MDN1: variants seen among roughly 807,000 people sequenced by gnomAD.
The protein encoded by MDN1 is midasin AAA ATPase 1.
MDN1 carries 266 observed loss-of-function variants against 669.2 expected under a neutral mutation model. That is an observed-to-expected ratio of 0.40 (90% confidence interval 0.36 to 0.44). MDN1 has a LOEUF of 0.44. MDN1 is among the 20% of genes least tolerant of loss of function. The pLI is 1.00. For synonymous variants in MDN1, 2,385 were observed against 2,457.1 expected (o/e 0.97, Z 0.87); for missense variants, 5,940 against 6,754.0 (o/e 0.88, Z 4.22).
At chr6:89,698,531 G>A (rs948571942) in intron 59 of MDN1, among the ~76,000 whole-genome samples, 2 of 152,056 alleles carry the variant, frequency 1.3e-5, no homozygotes, top group South Asian at 2.1e-4. Flanking sequence ...GTAAACAGAA[G>A]GATATAGAAC....
Position 89,655,887 on chromosome 6 carries a change from T to G in MDN1, c.15367A>C (p.Thr5123Pro). 1 of 1,614,120 alleles carries G rather than the reference T, an allele frequency of 6.2e-7. No homozygotes were observed. The highest frequency in any genetic ancestry group is 8.5e-7 in the Non-Finnish European group (1 of 1,180,030). The part of the protein sequence containing the change: ...HNERVHKRLR[T>P]VDTDSHAEQG... ...TCGGCATGGCTGTCCGTATCCACAG[T>G]CCTCAGCCTCTTGTGCACACGCTCA... is the stretch of plus-strand genomic sequence containing the variant. Residue 5123 changes from threonine to proline, a missense_variant, in exon 92 of 102, where the codon ACT becomes CCT. Transcript: ENST00000369393.
At chr6:89,745,688 G>T in intron 27 of MDN1, 62 bp from the exon 28 acceptor site, 5 of 1,501,734 alleles carry the variant, frequency 3.3e-6, no homozygotes, top group Non-Finnish European at 4.5e-6. Context: ...GAACACCAAG[G>T]GATATGGAGA....
chr6:89,762,521 C>T lies in MDN1; in HGVS notation c.2154G>A (p.Pro718=), dbSNP rs527741590. 1.4e-5 allele frequency: 23 copies of T among 1,609,612 alleles called. No homozygotes were observed. The highest frequency in any genetic ancestry group is 4.5e-5 in the East Asian group (2 of 44,836). Residue 718 remains proline, a synonymous_variant, in exon 16 of 102, where the codon CCG becomes CCA. Coordinates refer to ENST00000369393, the MANE Select transcript of MDN1 (RefSeq NM_014611.3). The stretch of plus-strand genomic sequence containing the variant: ...GTAGCCAAATAAGCTTATGGTCCAC[C>T]GGTTTATAACTGAAACAGACACAGG... ...DTADLLGGYK[P]VDHKLIWLPL...
intron 1 of MDN1, among the ~76,000 whole-genome samples, chr6:89,812,644 T>G (rs1768512202): frequency 6.6e-6 from 1 of 152,004 alleles, no homozygotes; most frequent in Non-Finnish European, 1.5e-5. Context: ...CAAAGCAGAG[T>G]TAATTAAAAG....
chr6:89,803,512 C>A lies in MDN1; in HGVS notation c.145G>T (p.Ala49Ser). ...CAGTCCTTATCCAAAAGCAACTGTG[C>A]TAAGGTACTCAGGACACACTGGCGA... ...QDRQCVLSTL[A>S]QLLLDKDCTV... Residue 49 changes from alanine to serine, a missense_variant, in exon 2 of 102, where the codon GCA becomes TCA. Around this residue, in one of 5 missense-constraint regions of MDN1, gnomAD observed 1,203 missense variants for 1,268.9 expected, o/e 0.95. Transcript: ENST00000369393. 2 of 1,613,958 alleles carry A rather than the reference C, an allele frequency of 1.2e-6. No homozygotes were observed. The highest frequency in any genetic ancestry group is 1.7e-6 in the Non-Finnish European group (2 of 1,179,994).
At chr6:89,808,947 T>C (rs1768189515) in intron 1 of MDN1, among the ~76,000 whole-genome samples, 1 of 152,164 alleles carries the variant, frequency 6.6e-6, no homozygotes, top group Non-Finnish European at 1.5e-5. Context: ...CTGGGCACGG[T>C]GGCTCATGCC....
rs994750398 is a variant in MDN1, at chr6:89,722,512, C to T, written c.5967+443G>A. On this transcript the variant is annotated intron_variant, in intron 40 of 101. Coordinates refer to ENST00000369393, the MANE Select transcript of MDN1 (RefSeq NM_014611.3). ...ATTGTGAGACCCCAAGGTAGGAGAA[C>T]GTTTAGTCTGTTCTTTTAACTTTTA... Among the ~76,000 whole-genome samples, 5 of 152,168 alleles carry T rather than the reference C, an allele frequency of 3.3e-5. No homozygotes were observed. The South Asian group carries it at 8.3e-4, about 25-fold the overall frequency.
At chr6:89,709,816 A>T (rs1031602000) in intron 50 of MDN1, among the ~76,000 whole-genome samples, 9 of 152,068 alleles carry the variant, frequency 5.9e-5, no homozygotes, top group East Asian at 1.9e-4. Flanking sequence ...CTCCTTATTT[A>T]AAAAAAATTA....
At chr6:89,706,481 T>C (rs1454955869) in intron 52 of MDN1, among the ~76,000 whole-genome samples, 2 of 152,190 alleles carry the variant, frequency 1.3e-5, no homozygotes, top group Non-Finnish European at 2.9e-5. Flanking sequence ...CCAAATTTTC[T>C]ATTTTACAAT....
In MDN1 at chr6:89,674,385, A is replaced by G. The variant is rs1337609999; in HGVS notation, c.12966T>C (p.Asn4322=). ...PSVGPAPGHG[N]VQVLGQPPGP... ...CAGGAGGCTGCCCCAGTACCTGGAC[A>G]TTGCCATGGCCTGGAGCTGGCCCTA... The change falls in exon 79 of 102, where the codon AAT becomes AAC. Residue 4322 remains asparagine (N), a synonymous_variant. Transcript: ENST00000369393. 1 of 1,614,224 alleles carries G rather than the reference A, an allele frequency of 6.2e-7. No homozygotes were observed. The highest frequency in any genetic ancestry group is 1.7e-5 in the Admixed American group (1 of 60,030).
intron 15 of MDN1, 139 bp from the exon 16 acceptor site, chr6:89,762,669 C>T (rs533493706): frequency 9.1e-5 from 59 of 651,528 alleles, no homozygotes; most frequent in Middle Eastern, 6.0e-4. Flanking sequence ...TTAAAATCTA[C>T]GTTACAGTTT....
chr6:89,712,842 A>C (rs1007427773), intron 47 of MDN1, 56 bp from the exon 48 acceptor site: 6 of 1,499,050 alleles, frequency 4.0e-6, no homozygotes, highest in African/African-American at 2.8e-5. Flanking sequence ...GATATTCCCC[A>C]AAAACCAGCA....
chr6:89,794,621 A>G lies in MDN1; in HGVS notation c.510T>C (p.Ser170=), dbSNP rs1413572791. The change falls in exon 3 of 102, where the codon AGT becomes AGC. Residue 170 remains serine (S), a synonymous_variant. Transcript: ENST00000369393. The part of the protein sequence containing the change: ...QSVFRELWDW[S]VCVPLLRSHD... ...GGCTTCTGAGGAGAGGGACACACAC[A>G]CTCCAGTCCCAGAGCTCCCGGAACA... 1 of 1,613,524 alleles carries G rather than the reference A, an allele frequency of 6.2e-7. No individual in the cohort carries two copies. Among genetic ancestry groups the G allele is most frequent in the Non-Finnish European group, 8.5e-7 (1 of 1,180,010 alleles).
rs1816884194 is a variant in MDN1, at chr6:89,750,523, T to C, written c.3237A>G (p.Pro1079=). 1.2e-6 allele frequency: 2 copies of C among 1,610,388 alleles called. No homozygotes were observed. Among genetic ancestry groups the C allele is most frequent in the Non-Finnish European group, 1.7e-6 (2 of 1,177,150 alleles). The part of the protein sequence containing the change: ...IVRVVSAGTY[P]VLIQGETSVG... The stretch of plus-strand genomic sequence containing the variant: ...CTGATGTCTCTCCCTGAATCAGCAC[T>C]GGATAGGTTCTGTAAAAGATTAGCC... The change falls in exon 24 of 102, where the codon CCA becomes CCG. Residue 1079 remains proline (P), a synonymous_variant. Transcript: ENST00000369393.
chr6:89,651,329 A>G (rs1405148944), intron 95 of MDN1, among the ~76,000 whole-genome samples: 1 of 142,250 alleles, frequency 7.0e-6, no homozygotes, highest in African/African-American at 2.7e-5. Flanking sequence ...CGTCTCAAAA[A>G]AAAAAAAAAA....
chr6:89,737,723 ATT>A (rs369806177), intron 33 of MDN1, among the ~76,000 whole-genome samples: 19,716 of 128,926 alleles, frequency 0.15, 1,622 homozygotes, highest in South Asian at 0.31. Flanking sequence ...TCCCAGCCTA[ATT>A]TTTTTTTTTT....
intron 1 of MDN1, among the ~76,000 whole-genome samples, chr6:89,803,902 T>TTTTTG (rs1767844062): frequency 1.0e-5 from 1 of 98,698 alleles, no homozygotes; most frequent in South Asian, 3.2e-4. Flanking sequence ...TTTCTTTTTT[T>TTTTTG]TTTTTTTTTT....
intron 31 of MDN1, among the ~76,000 whole-genome samples, chr6:89,741,538 A>G (rs923700525): frequency 3.9e-5 from 6 of 152,046 alleles, no homozygotes; most frequent in Admixed American, 3.9e-4. Flanking sequence ...ATTACGGCTC[A>G]GGACACAGCC....
chr6:89,713,018 T>A, intron 47 of MDN1, 130 bp downstream of exon 47: 1 of 1,015,258 alleles, frequency 9.8e-7, no homozygotes, highest in Admixed American at 2.8e-5. Flanking sequence ...GGATACCAGA[T>A]CTCTATTAGA....
Sources: gnomAD v4.1 joint callset for allele counts (sites outside exome capture counted in the v4.1 genomes callset) on GRCh38, gnomAD v4.1.1 for gene constraint, gnomAD v4.1.1 regional missense constraint, MANE v1.5 for transcripts, NCBI Gene and HGNC (gene_info 2026-07-23, HGNC 2026-07-21) for gene names.